KCNG3: variants seen among roughly 807,000 people sequenced by gnomAD.
The protein encoded by KCNG3 is potassium voltage-gated channel modifier subfamily G member 3.
Under a neutral mutation model 29.0 loss-of-function variants are expected in KCNG3, and 15 were observed. The observed-to-expected ratio is 0.52, with a 90% CI of 0.35 to 0.80. KCNG3 has a LOEUF of 0.80. Among genes scored for constraint, KCNG3 ranks in the 30% least tolerant of loss-of-function variants. KCNG3 has a pLI of 0.01. For synonymous variants in KCNG3, 322 were observed against 248.9 expected, an observed-to-expected ratio of 1.29 and a Z score of -2.76; for missense variants, 512 against 605.7, an observed-to-expected ratio of 0.85 and a Z score of 1.62.
chr2:42,457,851 T>C (rs1291313367), intron 1 of KCNG3, among the ~76,000 whole-genome samples: 1 of 151,424 alleles, frequency 6.6e-6, no homozygotes, highest in African/African-American at 2.4e-5. Flanking sequence ...CCAGGTGTGG[T>C]GTCACGCACC....
intron 1 of KCNG3, among the ~76,000 whole-genome samples, chr2:42,490,429 A>G (rs1028013457): frequency 6.6e-6 from 1 of 152,138 alleles, no homozygotes; most frequent in Non-Finnish European, 1.5e-5. Context: ...TGCAAAAAAT[A>G]AAATAAAATA....
chr2:42,404,830 C>T, the KCNG3 span, among the ~76,000 whole-genome samples: 1 of 152,130 alleles, frequency 6.6e-6, no homozygotes, highest in Non-Finnish European at 1.5e-5. Context: ...ATTGCAATCC[C>T]GGGTCACAAA....
chr2:42,460,813 C>T (rs1463998097), intron 1 of KCNG3, among the ~76,000 whole-genome samples: 2 of 152,018 alleles, frequency 1.3e-5, no homozygotes, highest in Non-Finnish European at 2.9e-5. Context: ...AAAGGCACCC[C>T]AAAACATCTT....
In KCNG3 at chr2:42,493,275, T is replaced by C; in HGVS notation, c.227A>G (p.Tyr76Cys). ...GCGCAGCTTGCCGTGGCCGCGCACG[T>C]AGAGCAGGATGAAGCCGAAGGCCTC... ...HSEAFGFILL[Y>C]VRGHGKLRFA... is the part of the protein sequence containing the mutation. Residue 76 changes from tyrosine to cysteine, a missense_variant, in exon 1 of 2, where the codon TAC (tyrosine) becomes TGC (cysteine). Transcript: ENST00000306078. 6.2e-7 allele frequency: 1 copy of C among 1,612,150 alleles called. No individual in the cohort carries two copies. Among genetic ancestry groups the C allele is most frequent in the Non-Finnish European group, 8.5e-7 (1 of 1,179,740 alleles).
chr2:42,492,768 G>A (rs955052412), intron 1 of KCNG3, 69 bp downstream of exon 1: 2 of 1,327,362 alleles, frequency 1.5e-6, no homozygotes, highest in Non-Finnish European at 9.8e-7. Flanking sequence ...GGACGGAGAC[G>A]GGACGTATGG....
downstream of KCNG3, among the ~76,000 whole-genome samples, chr2:42,438,310 A>G (rs1672410792): frequency 6.6e-6 from 1 of 152,214 alleles, no homozygotes; most frequent in Non-Finnish European, 1.5e-5. Context: ...CATGGGCAGA[A>G]CTATAGAATT....
chr2:42,480,436 A>T (rs181202137), intron 1 of KCNG3, among the ~76,000 whole-genome samples: 24 of 152,330 alleles, frequency 1.6e-4, no homozygotes, highest in African/African-American at 5.8e-4. Flanking sequence ...AATGTTTCCT[A>T]TAAAGGGCCA....
At chr2:42,457,784 C>A (rs1277661428) in intron 1 of KCNG3, among the ~76,000 whole-genome samples, 1 of 151,658 alleles carries the variant, frequency 6.6e-6, no homozygotes, top group Admixed American at 6.6e-5. Context: ...CCACTGCACT[C>A]CAGCCTGGGT....
At chr2:42,473,199 A>G (rs910173928) in intron 1 of KCNG3, among the ~76,000 whole-genome samples, 1 of 151,934 alleles carries the variant, frequency 6.6e-6, no homozygotes. Context: ...TCCGGCCCTC[A>G]ACAATATTTT....
chr2:42,481,658 G>T (rs961366646), intron 1 of KCNG3, among the ~76,000 whole-genome samples: 2 of 152,100 alleles, frequency 1.3e-5, no homozygotes, highest in Non-Finnish European at 2.9e-5. Context: ...TGGGCTACAC[G>T]TCCCCTGCCT....
chr2:42,482,721 T>G (rs1673619766), intron 1 of KCNG3, among the ~76,000 whole-genome samples: 1 of 150,712 alleles, frequency 6.6e-6, no homozygotes, highest in Non-Finnish European at 1.5e-5. Context: ...AGAGCAAGAC[T>G]CCACCTCAAA....
At chr2:42,469,026 G>T (rs572925165) in intron 1 of KCNG3, among the ~76,000 whole-genome samples, 2 of 149,392 alleles carry the variant, frequency 1.3e-5, no homozygotes, top group South Asian at 4.3e-4. Flanking sequence ...AAATTTTAGT[G>T]TAATGTGATC....
intron 1 of KCNG3, among the ~76,000 whole-genome samples, chr2:42,470,440 C>T (rs1464505527): frequency 6.6e-6 from 1 of 152,154 alleles, no homozygotes; most frequent in Non-Finnish European, 1.5e-5. Flanking sequence ...GAGGTCCGTA[C>T]AGGAGGAATG....
chr2:42,423,899 TA>T, the KCNG3 span, among the ~76,000 whole-genome samples: 1 of 152,112 alleles, frequency 6.6e-6, no homozygotes, highest in Non-Finnish European at 1.5e-5. Flanking sequence ...CATTGTCTAG[TA>T]TGTGGATTAT....
chr2:42,448,712 G>A (rs550203429), intron 1 of KCNG3, among the ~76,000 whole-genome samples: 1 of 152,206 alleles, frequency 6.6e-6, no homozygotes, highest in South Asian at 2.1e-4. Context: ...GCTTATGGCC[G>A]GGAGCGGTGG....
chr2:42,415,758 A>AC, the KCNG3 span, among the ~76,000 whole-genome samples: 1 of 151,960 alleles, frequency 6.6e-6, no homozygotes, highest in African/African-American at 2.4e-5. Flanking sequence ...ACAAAACAAA[A>AC]AACCCTACTT....
chr2:42,434,114 T>C, the KCNG3 span, among the ~76,000 whole-genome samples: 2 of 152,134 alleles, frequency 1.3e-5, no homozygotes, highest in South Asian at 2.1e-4. Context: ...TCCAACTAAA[T>C]TTTTTTGCAG....
rs376764684 is a variant in KCNG3, at chr2:42,457,491, C to CA, written c.666-12913dup. On this transcript the variant is annotated intron_variant, in intron 1 of 1. Transcript: ENST00000306078. ...GCTGGGCGACAGAGAGACTTTGTTT[C>CA]AAAAAAAAAGAGAGAAGTAACTAGA... Among the ~76,000 whole-genome samples, 439 of 148,346 alleles carry CA rather than the reference C, an allele frequency of 3.0e-3. 1 individual carries two copies. The highest frequency in any genetic ancestry group is 9.8e-3 in the African/African-American group (396 of 40,394).
chr2:42,389,653 G>A, the KCNG3 span, among the ~76,000 whole-genome samples: 1 of 152,160 alleles, frequency 6.6e-6, no homozygotes, highest in Non-Finnish European at 1.5e-5. Context: ...TTATCCTAAT[G>A]TTGATATATT....
Sources: gnomAD v4.1 joint callset for allele counts (sites outside exome capture counted in the v4.1 genomes callset) on GRCh38, gnomAD v4.1.1 for gene constraint, MANE v1.5 for transcripts, NCBI Gene and HGNC (gene_info 2026-07-23, HGNC 2026-07-21) for gene names.